COLEC10: variants seen among roughly 807,000 people sequenced by gnomAD.
The protein encoded by COLEC10 is collectin-10.
In COLEC10, 22 loss-of-function variants were observed where a neutral mutation model predicts 28.4. The ratio of observed to expected loss-of-function variants is 0.78; its 90% CI spans 0.55 to 1.11. COLEC10 has a LOEUF of 1.11. COLEC10 is among the 50% of genes least tolerant of loss of function. The probability of loss-of-function intolerance (pLI) is 0.00; values close to 1 mark genes in which losing one functional copy is unlikely to be tolerated. For missense variants in COLEC10, 361 were observed against 344.1 expected, an observed-to-expected ratio of 1.05 and a Z score of -0.39; for synonymous variants, 125 against 116.1, an observed-to-expected ratio of 1.08 and a Z score of -0.49.
intron 1 of COLEC10, among the ~76,000 whole-genome samples, chr8:119,075,369 C>A (rs537072038): frequency 1.3e-5 from 2 of 152,132 alleles, no homozygotes; most frequent in Non-Finnish European, 2.9e-5. Context: ...TAATACAATT[C>A]TTTAAATTAT....
chr8:119,108,424 T>A lies in COLEC10; in HGVS notation c.*2233T>A, dbSNP rs532524398. Among the ~76,000 whole-genome samples, 1 of 152,338 alleles carries A rather than the reference T, an allele frequency of 6.6e-6. No individual in the cohort carries two copies. The highest frequency in any genetic ancestry group is 1.5e-5 in the Non-Finnish European group (1 of 68,036). ...CACTGTTAGTGCTATTATTATTTAC[T>A]GTGAATGTTATAATAATAGTTCTCT... On this transcript the variant is annotated 3_prime_UTR_variant, in exon 6 of 6. Coordinates refer to ENST00000332843, the MANE Select transcript of COLEC10 (RefSeq NM_006438.5).
At chr8:119,046,195 G>T (rs761755198) in intron 2 of COLEC10, among the ~76,000 whole-genome samples, 1 of 152,064 alleles carries the variant, frequency 6.6e-6, no homozygotes, top group Non-Finnish European at 1.5e-5. Flanking sequence ...GAATCATGCA[G>T]TTGTATAACT....
At chr8:119,091,601 GAAAGAAAGAAAGAA>G (rs1563741319) in intron 3 of COLEC10, among the ~76,000 whole-genome samples, 29 of 121,192 alleles carry the variant, frequency 2.4e-4, no homozygotes, top group Middle Eastern at 3.8e-3. Flanking sequence ...GAGAGAGAAA[GAAAGAAAGAAAGAA>G]AGAAAGAAAG....
intron 3 of COLEC10, among the ~76,000 whole-genome samples, chr8:119,096,728 A>T (rs1408004720): frequency 2.0e-5 from 3 of 152,128 alleles, no homozygotes; most frequent in Non-Finnish European, 4.4e-5. Context: ...ATATAAAGAG[A>T]TTATACAAAT....
At chr8:119,046,544 T>C (rs1046955165) in intron 2 of COLEC10, among the ~76,000 whole-genome samples, 1 of 152,186 alleles carries the variant, frequency 6.6e-6, no homozygotes, top group African/African-American at 2.4e-5. Flanking sequence ...ATTGGCTGCA[T>C]CTTATTTCAA....
upstream of COLEC10, among the ~76,000 whole-genome samples, chr8:119,063,843 T>C (rs1814903994): frequency 6.6e-6 from 1 of 151,812 alleles, no homozygotes; most frequent in Non-Finnish European, 1.5e-5. Context: ...AATTCCAATA[T>C]CTTGGGAAAT....
At chr8:119,012,656 A>G (rs1813921020) in intron 2 of COLEC10, among the ~76,000 whole-genome samples, 1 of 150,784 alleles carries the variant, frequency 6.6e-6, no homozygotes, top group Non-Finnish European at 1.5e-5. Flanking sequence ...TAATAGATAT[A>G]GGACTATTCA....
chr8:119,005,762 A>G (rs1813783140), intron 1 of COLEC10, among the ~76,000 whole-genome samples: 1 of 152,116 alleles, frequency 6.6e-6, no homozygotes, highest in Non-Finnish European at 1.5e-5. Flanking sequence ...ACTTGTGGAA[A>G]TTTGGTGGTG....
the COLEC10 span, among the ~76,000 whole-genome samples, chr8:118,952,566 C>G: frequency 6.6e-6 from 1 of 152,212 alleles, no homozygotes; most frequent in Non-Finnish European, 1.5e-5. Context: ...GGCCCTAAAG[C>G]CCGTGCTATT....
intron 1 of COLEC10, among the ~76,000 whole-genome samples, chr8:119,075,482 GT>G (rs1308774604): frequency 6.6e-6 from 1 of 152,150 alleles, no homozygotes; most frequent in Non-Finnish European, 1.5e-5. Flanking sequence ...CTAATGTGGG[GT>G]TTCTTTTCAA....
intron 1 of COLEC10, among the ~76,000 whole-genome samples, chr8:119,079,078 A>G (rs147476509): frequency 7.5e-4 from 113 of 151,506 alleles, no homozygotes; most frequent in Non-Finnish European, 1.2e-3. Flanking sequence ...ATGACAGGGT[A>G]AGGTCTCATA....
upstream of COLEC10, among the ~76,000 whole-genome samples, chr8:119,064,898 A>T (rs1203994884): frequency 2.0e-5 from 3 of 152,016 alleles, no homozygotes. Flanking sequence ...AAGGACTACT[A>T]TCTAATCCAC....
the COLEC10 span, among the ~76,000 whole-genome samples, chr8:118,978,636 C>A: frequency 2.0e-5 from 3 of 151,726 alleles, no homozygotes; most frequent in African/African-American, 7.3e-5. Context: ...CATAAATCAC[C>A]TTGCATTATA....
chr8:119,088,802 G>A (rs1010820998), intron 1 of COLEC10, among the ~76,000 whole-genome samples: 3 of 152,178 alleles, frequency 2.0e-5, no homozygotes, highest in East Asian at 1.9e-4. Context: ...AAGCATAAAG[G>A]AAAGAAAAAC....
At chr8:119,020,303 C>T (rs968863317) in intron 2 of COLEC10, among the ~76,000 whole-genome samples, 9 of 152,008 alleles carry the variant, frequency 5.9e-5, no homozygotes, top group Non-Finnish European at 8.8e-5. Context: ...ATTTAACCAC[C>T]GTTAAATAAA....
intron 2 of COLEC10, among the ~76,000 whole-genome samples, chr8:119,030,988 A>G (rs757210867): frequency 1.3e-5 from 2 of 152,218 alleles, no homozygotes; most frequent in Non-Finnish European, 2.9e-5. Flanking sequence ...TGGAAACCAT[A>G]TCTAAAGGTC....
intron 4 of COLEC10, 51 bp downstream of exon 4, chr8:119,102,452 T>C (rs376938691): frequency 2.0e-5 from 28 of 1,403,744 alleles, no homozygotes; most frequent in Admixed American, 5.9e-5. Flanking sequence ...TCCAAGTTTA[T>C]TCATCTCAAA....
chr8:119,042,080 C>T (rs1238578061), intron 2 of COLEC10, among the ~76,000 whole-genome samples: 1 of 151,998 alleles, frequency 6.6e-6, no homozygotes, highest in Non-Finnish European at 1.5e-5. Context: ...TCACTACAAC[C>T]TCTGCCTCTC....
At chr8:118,970,829 A>G in the COLEC10 span, among the ~76,000 whole-genome samples, 3 of 152,012 alleles carry the variant, frequency 2.0e-5, no homozygotes, top group Non-Finnish European at 4.4e-5. Flanking sequence ...CAAAGAGATT[A>G]GGCAACTTGA....
Sources: gnomAD v4.1 joint callset for allele counts (sites outside exome capture counted in the v4.1 genomes callset) on GRCh38, gnomAD v4.1.1 for gene constraint, MANE v1.5 for transcripts, NCBI Gene and HGNC (gene_info 2026-07-23, HGNC 2026-07-21) for gene names.